SELENOP: variants seen among roughly 807,000 people sequenced by gnomAD.
The protein encoded by SELENOP is selenoprotein P, plasma, 1.
In SELENOP, 36 loss-of-function variants were observed where a neutral mutation model predicts 41.0. The observed-to-expected ratio is 0.88, with a 90% CI of 0.67 to 1.16. The LOEUF (loss-of-function observed/expected upper bound fraction) is 1.16. Ranked by LOEUF, SELENOP falls within the 50% of genes most tolerant of loss-of-function variation. SELENOP has a pLI of 0.00. For missense variants in SELENOP, 440 were observed against 454.2 expected (o/e 0.97, Z 0.28); for synonymous variants, 144 against 150.8 (o/e 0.95, Z 0.33).
intron 1 of SELENOP, among the ~76,000 whole-genome samples, chr5:42,811,348 A>G (rs28919886): frequency 0.012 from 1,834 of 152,254 alleles, 46 homozygotes; most frequent in African/African-American, 0.042. Context: ...TGTGGACTGA[A>G]CCTACTGTAC....
At chr5:42,807,206 C>A in intron 2 of SELENOP, 98 bp from the exon 3 acceptor site, 1 of 625,452 alleles carries the variant, frequency 1.6e-6, no homozygotes, top group East Asian at 2.7e-5. Context: ...TGAAACTCTC[C>A]TTCTTATTTT....
chr5:42,808,111 T>C, intron 2 of SELENOP, 40 bp downstream of exon 2: 1 of 1,092,516 alleles, frequency 9.2e-7, no homozygotes, highest in Non-Finnish European at 1.3e-6. Flanking sequence ...TTAATAGCCT[T>C]CCCCTTAAGG....
chr5:42,802,831 G>A (rs575168180), intron 4 of SELENOP, among the ~76,000 whole-genome samples: 5 of 152,122 alleles, frequency 3.3e-5, no homozygotes, highest in Admixed American at 6.5e-5. Flanking sequence ...GGATGGTCTC[G>A]ATCTATTGAC....
Position 42,811,873 on chromosome 5 carries a change from C to T in SELENOP, c.-51G>A, listed in dbSNP as rs1251067335. 5 of 152,176 alleles carry T rather than the reference C, an allele frequency of 3.3e-5. No homozygotes were observed. The highest frequency in any genetic ancestry group is 4.8e-5 in the African/African-American group (2 of 41,430). The allele number at this position is 152,176 out of a possible 1,614,324, so 9.4% of individuals were successfully genotyped here. A position where few individuals can be genotyped will look rare whatever the true frequency, so the allele number is the denominator to read the frequency against. On this transcript the variant is annotated 5_prime_UTR_variant, in exon 1 of 5. Transcript: ENST00000514985. Reference sequence around the variant, plus strand: ...AACGGGCCTGCTTCCTTTCTCTTTGCTTTACTCTGGCAGCTCCACAAAGCC... The same window carrying T: ...AACGGGCCTGCTTCCTTTCTCTTTGTTTTACTCTGGCAGCTCCACAAAGCC...
chr5:42,801,585 G>A, intron 4 of SELENOP: 2 of 453,058 alleles, frequency 4.4e-6, no homozygotes, highest in Non-Finnish European at 3.8e-6. Context: ...AAAGGAACTT[G>A]GATTGCAGGA....
Position 42,808,239 on chromosome 5 carries a change from G to C in SELENOP, c.115C>G (p.Gln39Glu), listed in dbSNP as rs773306164. 2 of 1,580,486 alleles carry C rather than the reference G, an allele frequency of 1.3e-6. No homozygotes were observed. Among genetic ancestry groups the C allele is most frequent in the Admixed American group, 1.8e-5 (1 of 55,680 alleles). ...KQPPAWSIRD[Q>E]DPMLNSNGSV... is the part of the protein sequence containing the mutation. The stretch of plus-strand genomic sequence containing the variant: ...CCATTGGAGTTTAGCATTGGATCTT[G>C]ATCTCTTATGCTCCAGGCTGGGGGT... Residue 39 changes from glutamine to glutamate, a missense_variant, in exon 2 of 5, where the codon CAA becomes GAA. Transcript: ENST00000514985.
At chr5:42,809,843 T>A (rs1327817054) in intron 1 of SELENOP, 1 of 505,418 alleles carries the variant, frequency 2.0e-6, no homozygotes, top group African/African-American at 2.1e-5. Context: ...ACTTACTTAT[T>A]TAAGGCCACT....
intron 4 of SELENOP, among the ~76,000 whole-genome samples, chr5:42,804,180 G>A (rs1760274582): frequency 6.6e-6 from 1 of 152,228 alleles, no homozygotes; most frequent in Non-Finnish European, 1.5e-5. Flanking sequence ...CTAGAGGTTA[G>A]GCCGGGCGCG....
intron 1 of SELENOP, among the ~76,000 whole-genome samples, chr5:42,810,520 C>T (rs1018125217): frequency 2.0e-5 from 3 of 152,110 alleles, no homozygotes; most frequent in Non-Finnish European, 2.9e-5. Flanking sequence ...AGTGCAATGG[C>T]GCAATCTCAG....
chr5:42,810,662 G>A lies in SELENOP; in HGVS notation c.-14+1174C>T, dbSNP rs768448420. 9 of 189,534 alleles carry A rather than the reference G, an allele frequency of 4.7e-5. No individual in the cohort carries two copies. The South Asian group carries it at 8.3e-4, about 17-fold the overall frequency. The allele number at this position is 189,534 out of a possible 1,614,324, so 11.7% of individuals were successfully genotyped here. ...TTTAGTAGAGACGGGGTTTCACCAT[G>A]TTGGCCAGGCTGGTCTTACACTCCT... On this transcript the variant is annotated intron_variant, in intron 1 of 4. Coordinates refer to ENST00000514985, the MANE Select transcript of SELENOP (RefSeq NM_005410.4).
chr5:42,807,022 C>G lies in SELENOP; in HGVS notation c.290G>C (p.Arg97Pro). 2 of 1,586,264 alleles carry G rather than the reference C, an allele frequency of 1.3e-6. No homozygotes were observed. Among genetic ancestry groups the G allele is most frequent in the South Asian group, 2.2e-5 (2 of 90,146 alleles). Residue 97 changes from arginine to proline, a missense_variant, in exon 3 of 5, where the codon CGA becomes CCA. Physicochemically the swap from Arg to Pro is moderately radical, Grantham distance 103 (BLOSUM62 -2). Coordinates refer to ENST00000514985, the MANE Select transcript of SELENOP (RefSeq NM_005410.4). ...ATTCTTAAGATGTGTGTATTTTAATCGAGAAGAGATTCCTTGATGATTAAC... is the reference window on the plus strand; with the variant it reads ...ATTCTTAAGATGTGTGTATTTTAATGGAGAAGAGATTCCTTGATGATTAAC... Reference protein sequence around the residue: ...IVVNHQGISSRLKYTHLKNKV... With the variant: ...IVVNHQGISSPLKYTHLKNKV...
intron 1 of SELENOP, among the ~76,000 whole-genome samples, chr5:42,811,431 T>C (rs1760455745): frequency 6.6e-6 from 1 of 152,242 alleles, no homozygotes; most frequent in South Asian, 2.1e-4. Context: ...AGAATGAGCA[T>C]ATTTCAGTGT....
At position 42,801,040 on chromosome 5, in the gene SELENOP, G is replaced by T. The variant is rs762871031; in HGVS notation, c.826C>A (p.Leu276Ile). 2 of 1,614,060 alleles carry T rather than the reference G, an allele frequency of 1.2e-6. No homozygotes were observed. The highest frequency in any genetic ancestry group is 1.7e-6 in the Non-Finnish European group (2 of 1,180,036). ...TGATTTATACATCTCTTTCGACAGA[G>T]CTTCTTTTGTAAATCTTGTAAATCT... ...SEDLQDLQKK[L>I]CRKRCINQLL... Residue 276 changes from leucine (L) to isoleucine (I), a missense_variant, in exon 5 of 5, where the codon CTC becomes ATC. Coordinates refer to ENST00000514985, the MANE Select transcript of SELENOP (RefSeq NM_005410.4).
chr5:42,804,866 G>T (rs72563759), intron 3 of SELENOP, 93 bp from the exon 4 acceptor site: 54 of 776,098 alleles, frequency 7.0e-5, no homozygotes, highest in East Asian at 4.5e-4. Flanking sequence ...TAGGTTTAAT[G>T]GTCATAACTA....
In SELENOP at chr5:42,800,460, T is replaced by C. The variant is rs1183513882; in HGVS notation, c.*260A>G. 6 of 372,332 alleles carry C rather than the reference T, an allele frequency of 1.6e-5. No homozygotes were observed. In the East Asian group the frequency reaches 2.6e-4, roughly 16 times the overall value. The allele number at this position is 372,332 out of a possible 1,614,324, so 23.1% of individuals were successfully genotyped here. On this transcript the variant is annotated 3_prime_UTR_variant, in exon 5 of 5. Transcript: ENST00000514985. ...ACGTTTCTATTCTCATTAAAGCAAA[T>C]AGAACACTGGAAAAAGAAAAAAAAA...
chr5:42,804,843 G>T, intron 3 of SELENOP, 70 bp from the exon 4 acceptor site: 1 of 998,798 alleles, frequency 1.0e-6, no homozygotes, highest in East Asian at 2.5e-5. Context: ...AATACAGTCT[G>T]GGATAGGTAT....
rs1760382743 is a variant in SELENOP, at chr5:42,808,315, GA to G, written c.38del (p.Leu13ProfsTer24). The G allele has an allele frequency of 6.8e-7, 1 of 1,464,366 alleles. No homozygotes were observed. The highest frequency in any genetic ancestry group is 9.0e-7 in the Non-Finnish European group (1 of 1,108,320). The allele number at this position is 1,464,366 out of a possible 1,614,324, so 90.7% of individuals were successfully genotyped here. A position where few individuals can be genotyped will look rare whatever the true frequency, so the allele number is the denominator to read the frequency against. The stretch of plus-strand genomic sequence containing the variant: ...GGCTCTCTGTTCCTCCCGATGGGAG[GA>G]GACAGAGAGCCAGGGCAAGCCCCAG... Reference protein sequence around the residue: ...RSLGLALALCLLPSGGTESQD... With the variant: ...RSLGLALALCXLPSGGTESQD... On this transcript the variant is annotated frameshift_variant, in exon 2 of 5. Coordinates refer to ENST00000514985, the MANE Select transcript of SELENOP (RefSeq NM_005410.4). LOFTEE classifies it high-confidence loss of function.
chr5:42,800,531 TA>T lies in SELENOP; in HGVS notation c.*188del. 1 of 647,822 alleles carries T rather than the reference TA, an allele frequency of 1.5e-6. No individual in the cohort carries two copies. Among genetic ancestry groups the T allele is most frequent in the Non-Finnish European group, 2.5e-6 (1 of 407,226 alleles). 40.1% of individuals were successfully genotyped at this position (647,822 alleles called of 1,614,324 possible). A position where few individuals can be genotyped will look rare whatever the true frequency, so the allele number is the denominator to read the frequency against. ...CAATCACCTTTCAGTTGCTCCATCA[TA>T]AAAAATATGGTTTGAGTCAATATTT... On this transcript the variant is annotated 3_prime_UTR_variant, in exon 5 of 5. Transcript: ENST00000514985.
At chr5:42,810,534 A>G (rs1029366621) in intron 1 of SELENOP, among the ~76,000 whole-genome samples, 3 of 152,184 alleles carry the variant, frequency 2.0e-5, no homozygotes, top group African/African-American at 7.2e-5. Flanking sequence ...ATCTCAGCTC[A>G]CTGCAAACTT....
Sources: allele counts gnomAD v4.1 joint callset (sites outside exome capture counted in the v4.1 genomes callset), GRCh38; gene constraint gnomAD v4.1.1; transcripts MANE v1.5; gene names NCBI Gene and HGNC (gene_info 2026-07-23, HGNC 2026-07-21).